The following PTPRC variants were observed in gnomAD, a reference collection of about 807,000 sequenced individuals.
The protein encoded by PTPRC is protein tyrosine phosphatase receptor type C, also known as receptor-type tyrosine-protein phosphatase C.
A neutral mutation model predicts 155.9 loss-of-function variants in PTPRC; 44 were observed. The ratio of observed to expected loss-of-function variants is 0.28; its 90% CI spans 0.22 to 0.36. The LOEUF (loss-of-function observed/expected upper bound fraction) is 0.36, where lower values mean the gene tolerates loss of function less well. Among genes scored for constraint, PTPRC ranks in the 10% least tolerant of loss-of-function variants. PTPRC has a pLI of 1.00. For missense variants in PTPRC, 1,401 were observed against 1,564.6 expected, an observed-to-expected ratio of 0.90 and a Z score of 1.76; for synonymous variants, 525 against 533.1, an observed-to-expected ratio of 0.98 and a Z score of 0.21.
Position 198,757,261 on chromosome 1 carries a change from C to CATT in PTPRC, c.*1084_*1086dup, listed in dbSNP as rs1655727845. ...GTCGCTAATCATAATAAAATTCAAC[C>CATT]ATTATTTTTTTCTTGTTTATAATAC... is the stretch of plus-strand genomic sequence containing the variant. On this transcript the variant is annotated 3_prime_UTR_variant, in exon 33 of 33. Transcript: ENST00000442510. 6.6e-6 allele frequency: 1 copy of CATT among 151,630 alleles called. No individual in the cohort carries two copies. The highest frequency in any genetic ancestry group is 2.1e-4 in the South Asian group (1 of 4,820). The allele number at this position is 151,630 out of a possible 1,614,324, so 9.4% of individuals were successfully genotyped here.
chr1:198,752,111 G>A (rs893577662), intron 29 of PTPRC, 138 bp from the exon 30 acceptor site: 2 of 995,432 alleles, frequency 2.0e-6, no homozygotes, highest in Admixed American at 2.2e-5. Context: ...TTATAAGTAG[G>A]TTTCAATTTT....
chr1:198,735,289 T>A (rs757807940), intron 23 of PTPRC, 37 bp downstream of exon 23: 1 of 1,486,634 alleles, frequency 6.7e-7, no homozygotes, highest in South Asian at 1.2e-5. Context: ...GTTTTGATAC[T>A]TTTTTATAAA....
At chr1:198,710,084 T>C (rs1205479113) in intron 11 of PTPRC, among the ~76,000 whole-genome samples, 1 of 152,218 alleles carries the variant, frequency 6.6e-6, no homozygotes, top group Non-Finnish European at 1.5e-5. Flanking sequence ...CATTGGCTCT[T>C]AAATTTAGCT....
rs191673558 is a variant in PTPRC at position 198,665,268 on chromosome 1, T to C, written c.73+25927T>C. Among the ~76,000 whole-genome samples, 10 of 151,742 alleles carry C rather than the reference T, an allele frequency of 6.6e-5. No homozygotes were observed. In the East Asian group the frequency reaches 9.7e-4, roughly 15 times the overall value. ...CCACGCCTGGCTAATTTTTCTTTTTTTTTTTTTGTATTCTTAGTAGAGACG... is the reference window on the plus strand; with the variant it reads ...CCACGCCTGGCTAATTTTTCTTTTTCTTTTTTTGTATTCTTAGTAGAGACG... On this transcript the variant is annotated intron_variant, in intron 2 of 32. Transcript: ENST00000442510.
At chr1:198,641,190 A>T (rs1357324472) in intron 2 of PTPRC, among the ~76,000 whole-genome samples, 1 of 152,118 alleles carries the variant, frequency 6.6e-6, no homozygotes, top group African/African-American at 2.4e-5. Flanking sequence ...GTGGAAAAAC[A>T]TATACAGATA....
intron 4 of PTPRC, among the ~76,000 whole-genome samples, 175 bp from the exon 5 acceptor site, chr1:198,699,389 G>A (rs184028305): frequency 6.6e-6 from 1 of 152,342 alleles, no homozygotes; most frequent in Non-Finnish European, 1.5e-5. Context: ...GAGGACTCAG[G>A]TGCCTGTCAC....
rs775867431 is a variant in PTPRC, at chr1:198,750,362, CAT to C, written c.3073-128_3073-127del. On this transcript the variant is annotated intron_variant, in intron 28 of 32. Coordinates refer to ENST00000442510, the MANE Select transcript of PTPRC (RefSeq NM_002838.5). Reference sequence around the variant, plus strand: ...CTATTACATTGTTTCTTGTAAGAAACATAAGAATATTACTATTTGTATGTAAC... The same window carrying C: ...CTATTACATTGTTTCTTGTAAGAAACAAGAATATTACTATTTGTATGTAAC... 1.4e-5 allele frequency: 13 copies of C among 958,932 alleles called. No homozygotes were observed. In the South Asian group the frequency reaches 1.7e-4, roughly 13 times the overall value. The allele number at this position is 958,932 out of a possible 1,614,324, so 59.4% of individuals were successfully genotyped here. A position where few individuals can be genotyped will look rare whatever the true frequency, so the allele number is the denominator to read the frequency against.
intron 32 of PTPRC, among the ~76,000 whole-genome samples, chr1:198,754,876 C>A (rs1486239211): frequency 6.6e-6 from 1 of 152,054 alleles, no homozygotes. Flanking sequence ...GTGTGCCCTA[C>A]AGTTTGGCTG....
At chr1:198,663,842 AATT>A (rs1370850028) in intron 2 of PTPRC, among the ~76,000 whole-genome samples, 3 of 152,104 alleles carry the variant, frequency 2.0e-5, no homozygotes, top group Non-Finnish European at 4.4e-5. Flanking sequence ...ATATGTTAGT[AATT>A]ATTATTTTCA....
chr1:198,686,866 A>G (rs1447743739), intron 2 of PTPRC, among the ~76,000 whole-genome samples: 1 of 152,256 alleles, frequency 6.6e-6, no homozygotes, highest in Admixed American at 6.5e-5. Flanking sequence ...GTCTACATAC[A>G]TAAAACAACT....
At chr1:198,700,035 C>A (rs1186830214) in intron 5 of PTPRC, 6 of 399,382 alleles carry the variant, frequency 1.5e-5, no homozygotes, top group Non-Finnish European at 2.8e-5. Flanking sequence ...ATGCATAAAT[C>A]TTTACTTAAA....
In PTPRC at chr1:198,729,764, C is replaced by T. The variant is rs114122608; in HGVS notation, c.1864+593C>T. Reference sequence around the variant, plus strand: ...AAAGCAGATATCTCAACAAATATGACGGTAATTTGATACATGCCCTAGTAG... The same window carrying T: ...AAAGCAGATATCTCAACAAATATGATGGTAATTTGATACATGCCCTAGTAG... On this transcript the variant is annotated intron_variant, in intron 17 of 32. Transcript: ENST00000442510. Among the ~76,000 whole-genome samples, 1,027 of 152,174 alleles carry T rather than the reference C, an allele frequency of 6.7e-3. 4 individuals carry two copies. The highest frequency in any genetic ancestry group is 0.012 in the Non-Finnish European group (787 of 68,010).
At chr1:198,643,032 C>A (rs1207103806) in intron 2 of PTPRC, among the ~76,000 whole-genome samples, 1 of 149,928 alleles carries the variant, frequency 6.7e-6, no homozygotes, top group Non-Finnish European at 1.5e-5. Context: ...GTTTTAACAC[C>A]CACCTCTATA....
intron 2 of PTPRC, among the ~76,000 whole-genome samples, chr1:198,658,726 G>A (rs928281472): frequency 6.6e-6 from 1 of 152,012 alleles, no homozygotes; most frequent in African/African-American, 2.4e-5. Flanking sequence ...AGATTTGATG[G>A]AATTGCACTT....
chr1:198,729,656 C>T (rs758146633), intron 17 of PTPRC, among the ~76,000 whole-genome samples: 6 of 152,256 alleles, frequency 3.9e-5, no homozygotes, highest in South Asian at 2.1e-4. Context: ...TCCCAGTGTA[C>T]GCCAAGCATT....
At chr1:198,725,257 C>T (rs1387357582) in intron 15 of PTPRC, among the ~76,000 whole-genome samples, 1 of 151,868 alleles carries the variant, frequency 6.6e-6, no homozygotes, top group Non-Finnish European at 1.5e-5. Flanking sequence ...TTTGGCATTC[C>T]CCTTTGGTGT....
At chr1:198,747,085 C>A (rs1257406960) in intron 26 of PTPRC, among the ~76,000 whole-genome samples, 1 of 151,598 alleles carries the variant, frequency 6.6e-6, no homozygotes, top group Non-Finnish European at 1.5e-5. Context: ...TTATTTGTAA[C>A]ATTATCTATT....
At chr1:198,744,754 C>T (rs1340571789) in intron 26 of PTPRC, among the ~76,000 whole-genome samples, 1 of 151,686 alleles carries the variant, frequency 6.6e-6, no homozygotes. Context: ...GCTCAGTTGT[C>T]AAAAAAATGT....
intron 7 of PTPRC, 168 bp downstream of exon 7, chr1:198,703,540 T>TTGCACTGCTAA: frequency 2.0e-6 from 2 of 1,006,002 alleles, no homozygotes; most frequent in African/African-American, 1.6e-5. Flanking sequence ...TGCTTAGCAG[T>TTGCACTGCTAA]GCAACAGCTG....
Sources: allele counts gnomAD v4.1 joint callset (sites outside exome capture counted in the v4.1 genomes callset), GRCh38; gene constraint gnomAD v4.1.1; transcripts MANE v1.5; gene names NCBI Gene and HGNC (gene_info 2026-07-23, HGNC 2026-07-21).